The following ANO4 variants were observed in gnomAD, a reference collection of about 807,000 sequenced individuals.
ANO4 encodes anoctamin-4.
A neutral mutation model predicts 141.9 loss-of-function variants in ANO4; 69 were observed. The observed-to-expected ratio is 0.49, with a 90% CI of 0.40 to 0.59. The LOEUF is 0.59. Among genes scored for constraint, ANO4 ranks in the 20% least tolerant of loss-of-function variants. ANO4 has a pLI of 0.00. For synonymous variants in ANO4, 350 were observed against 394.3 expected (o/e 0.89, Z 1.33); for missense variants, 894 against 1,162.2 (o/e 0.77, Z 3.36).
intron 7 of ANO4, among the ~76,000 whole-genome samples, chr12:100,982,653 T>G (rs1315073277): frequency 6.6e-6 from 1 of 152,214 alleles, no homozygotes; most frequent in Non-Finnish European, 1.5e-5. Flanking sequence ...GTTTAATCCT[T>G]ACCATTGCCT....
intron 14 of ANO4, among the ~76,000 whole-genome samples, chr12:101,055,790 G>A (rs908241552): frequency 7.9e-5 from 12 of 151,888 alleles, no homozygotes; most frequent in African/African-American, 2.7e-4. Context: ...AAAGCTTATC[G>A]TTTTAGCTCA....
intron 2 of ANO4, among the ~76,000 whole-genome samples, chr12:100,909,415 G>A (rs566876949): frequency 6.6e-6 from 1 of 152,094 alleles, no homozygotes; most frequent in African/African-American, 2.4e-5. Flanking sequence ...CTGCTACCTT[G>A]ACTACACACA....
chr12:100,973,228 G>A (rs1201419003), intron 6 of ANO4, among the ~76,000 whole-genome samples: 3 of 152,124 alleles, frequency 2.0e-5, no homozygotes, highest in Non-Finnish European at 4.4e-5. Context: ...TGCTATTATT[G>A]TGTCCACAGT....
At chr12:100,962,875 A>G (rs1213728759) in intron 5 of ANO4, among the ~76,000 whole-genome samples, 1 of 152,222 alleles carries the variant, frequency 6.6e-6, no homozygotes, top group African/African-American at 2.4e-5. Context: ...AAGAGAGATG[A>G]TGGTTGCTCA....
intron 1 of ANO4, among the ~76,000 whole-genome samples, chr12:100,732,871 A>G (rs186851490): frequency 7.0e-4 from 107 of 152,270 alleles, no homozygotes; most frequent in African/African-American, 2.4e-3. Flanking sequence ...CTGATATGCA[A>G]TGCACCTGTG....
intron 1 of ANO4, among the ~76,000 whole-genome samples, chr12:100,827,722 G>A (rs954735445): frequency 2.0e-5 from 3 of 152,006 alleles, no homozygotes; most frequent in East Asian, 3.9e-4. Context: ...AGCATTTTTA[G>A]CATTGCTTGA....
chr12:100,829,618 A>G (rs940985634), intron 1 of ANO4, among the ~76,000 whole-genome samples: 5 of 152,094 alleles, frequency 3.3e-5, no homozygotes, highest in Non-Finnish European at 7.4e-5. Flanking sequence ...CTTTATGAAT[A>G]AGATATTTTT....
intron 8 of ANO4, among the ~76,000 whole-genome samples, chr12:100,999,590 A>G (rs11110622): frequency 0.095 from 14,446 of 152,160 alleles, 799 homozygotes; most frequent in Middle Eastern, 0.18. Context: ...GAGGGCCATA[A>G]TATTGCCTAT....
intron 3 of ANO4, among the ~76,000 whole-genome samples, chr12:100,934,868 T>G (rs546992334): frequency 6.6e-6 from 1 of 152,326 alleles, no homozygotes; most frequent in South Asian, 2.1e-4. Flanking sequence ...GAATGGGAGT[T>G]CAGTCACGAT....
intron 14 of ANO4, among the ~76,000 whole-genome samples, chr12:101,053,680 G>A (rs2136685535): frequency 6.6e-6 from 1 of 152,136 alleles, no homozygotes; most frequent in African/African-American, 2.4e-5. Context: ...TGGATTAAGG[G>A]CCCAGCCTAC....
intron 3 of ANO4, among the ~76,000 whole-genome samples, chr12:100,935,956 G>T (rs1340640303): frequency 1.3e-5 from 2 of 152,158 alleles, no homozygotes; most frequent in East Asian, 1.9e-4. Flanking sequence ...TTATGCCTGT[G>T]GAGTGTTTAT....
intron 8 of ANO4, among the ~76,000 whole-genome samples, chr12:100,996,471 G>A (rs1239576992): frequency 6.6e-6 from 1 of 152,150 alleles, no homozygotes; most frequent in African/African-American, 2.4e-5. Context: ...GATCACCTGA[G>A]GTCAGGAGTT....
chr12:100,985,436 C>A (rs755349224), intron 7 of ANO4, among the ~76,000 whole-genome samples: 1 of 152,156 alleles, frequency 6.6e-6, no homozygotes, highest in Non-Finnish European at 1.5e-5. Flanking sequence ...CACAACTCTA[C>A]GAATTGGGTA....
intron 24 of ANO4, 97 bp from the exon 25 acceptor site, chr12:101,116,582 T>G (rs1249629903): frequency 6.4e-7 from 1 of 1,563,256 alleles, no homozygotes; most frequent in Admixed American, 1.7e-5. Flanking sequence ...TAAAGGCATT[T>G]ACAATTGCAG....
At chr12:100,979,454 A>G (rs1232253925) in intron 7 of ANO4, among the ~76,000 whole-genome samples, 1 of 152,170 alleles carries the variant, frequency 6.6e-6, no homozygotes, top group African/African-American at 2.4e-5. Flanking sequence ...CCACATGTTG[A>G]GAACCATCAC....
chr12:100,888,330 T>C (rs1459572593), intron 1 of ANO4, among the ~76,000 whole-genome samples: 3 of 152,146 alleles, frequency 2.0e-5, no homozygotes, highest in Non-Finnish European at 4.4e-5. Flanking sequence ...AATAAAGATG[T>C]TACAAAGGAG....
intron 7 of ANO4, among the ~76,000 whole-genome samples, chr12:100,986,961 A>G (rs2044734132): frequency 1.3e-5 from 2 of 152,214 alleles, no homozygotes; most frequent in African/African-American, 2.4e-5. Context: ...CATGAGAACC[A>G]TGGAGCCTGC....
chr12:100,933,173 G>A (rs978887395), intron 3 of ANO4, among the ~76,000 whole-genome samples: 6 of 151,532 alleles, frequency 4.0e-5, no homozygotes, highest in African/African-American at 1.5e-4. Context: ...ACAACGTGCA[G>A]GTTTGATACA....
At chr12:100,744,376 G>C (rs958052080) in intron 3 of ANO4, among the ~76,000 whole-genome samples, 2 of 152,168 alleles carry the variant, frequency 1.3e-5, no homozygotes, top group African/African-American at 4.8e-5. Context: ...GGCACTGACC[G>C]ATTTGGCGTC....
Sources: allele counts gnomAD v4.1 joint callset (sites outside exome capture counted in the v4.1 genomes callset), GRCh38; gene constraint gnomAD v4.1.1; transcripts MANE v1.5; gene names NCBI Gene and HGNC (gene_info 2026-07-23, HGNC 2026-07-21).